TBXAS1: variants seen among roughly 807,000 people sequenced by gnomAD.
The protein encoded by TBXAS1 is thromboxane-A synthase.
A neutral mutation model predicts 60.7 loss-of-function variants in TBXAS1; 48 were observed. That is an observed-to-expected ratio of 0.79 (90% CI 0.63 to 1.01). TBXAS1 has a LOEUF of 1.01. TBXAS1 is among the 50% of genes least tolerant of loss of function. The pLI is 0.00. For missense variants in TBXAS1, 685 were observed against 686.3 expected (o/e 1.00, Z 0.02); for synonymous variants, 287 against 269.7 (o/e 1.06, Z -0.63).
rs1349255521 is a variant in TBXAS1 at position 139,951,936 on chromosome 7, AGAAG to A, written c.451-1428_451-1425del. Among the ~76,000 whole-genome samples, 184 of 35,290 alleles carry A rather than the reference AGAAG, an allele frequency of 5.2e-3. 20 individuals carry two copies. The highest frequency in any genetic ancestry group is 0.015 in the Middle Eastern group (1 of 68). 23.2% of individuals were successfully genotyped at this position (35,290 alleles called of 152,430 possible). A position where few individuals can be genotyped will look rare whatever the true frequency, so the allele number is the denominator to read the frequency against. On this transcript the variant is annotated intron_variant, in intron 5 of 12. Transcript: ENST00000448866. ...AAGAAAGAGAGAAAGAAAGAGAGAA[AGAAG>A]GAAAGAAAGAAAAGAAAGAAAGAAA...
intron 1 of TBXAS1, among the ~76,000 whole-genome samples, chr7:139,868,652 A>ATTT (rs71170918): frequency 2.8e-4 from 29 of 104,968 alleles, no homozygotes; most frequent in Non-Finnish European, 4.1e-4. Flanking sequence ...CCTGGCTAAT[A>ATTT]TTTTTTTTTT....
intron 1 of TBXAS1, among the ~76,000 whole-genome samples, chr7:139,860,895 C>T (rs1023015442): frequency 1.3e-5 from 2 of 152,156 alleles, no homozygotes; most frequent in African/African-American, 2.4e-5. Context: ...CCTTCGCAGC[C>T]GGGGGCGGTG....
At chr7:139,996,393 G>C (rs948767593) in intron 9 of TBXAS1, among the ~76,000 whole-genome samples, 2 of 149,340 alleles carry the variant, frequency 1.3e-5, no homozygotes, top group Admixed American at 6.8e-5. Context: ...TCAATGCTTG[G>C]CTCTGTGCTT....
chr7:140,018,175 C>A (rs571893596), intron 12 of TBXAS1, among the ~76,000 whole-genome samples: 1 of 152,280 alleles, frequency 6.6e-6, no homozygotes, highest in African/African-American at 2.4e-5. Context: ...TTCCCACTTC[C>A]ACAAAGGGCA....
At chr7:140,016,327 A>T (rs1341005746) in intron 11 of TBXAS1, 1 of 210,648 alleles carries the variant, frequency 4.7e-6, no homozygotes, top group East Asian at 1.6e-4. Flanking sequence ...GACTCTGTCT[A>T]AAAAAAAATA....
At chr7:139,791,250 C>T (rs1479743152) in intron 4 of TBXAS1, among the ~76,000 whole-genome samples, 1 of 152,208 alleles carries the variant, frequency 6.6e-6, no homozygotes, top group Non-Finnish European at 1.5e-5. Context: ...GTTTATTTCT[C>T]GTTCTGACAA....
chr7:139,780,521 G>A (rs1167798753), intron 1 of TBXAS1, among the ~76,000 whole-genome samples: 2 of 122,208 alleles, frequency 1.6e-5, no homozygotes, highest in Non-Finnish European at 4.1e-5. Context: ...ATGGATGATA[G>A]CTGCAATTTG....
chr7:139,817,200 G>C (rs1798169880), intron 4 of TBXAS1, among the ~76,000 whole-genome samples: 1 of 151,952 alleles, frequency 6.6e-6, no homozygotes, highest in Non-Finnish European at 1.5e-5. Context: ...CCTTGCTGCT[G>C]TCTCCCCCCG....
At chr7:139,791,717 C>T (rs1253451879) in intron 4 of TBXAS1, among the ~76,000 whole-genome samples, 1 of 152,024 alleles carries the variant, frequency 6.6e-6, no homozygotes, top group Non-Finnish European at 1.5e-5. Flanking sequence ...AACCCAGGCC[C>T]CGCACATCTA....
intron 8 of TBXAS1, 33 bp from the exon 9 acceptor site, chr7:139,961,886 C>A: frequency 1.2e-6 from 2 of 1,613,838 alleles, no homozygotes; most frequent in South Asian, 2.2e-5. Context: ...ACTGTAAGGT[C>A]AAAATGTGCA....
In TBXAS1 at chr7:139,936,213, C is replaced by A. The variant is rs773309398; in HGVS notation, c.356C>A (p.Ser119Ter). ...CAGGCGTCGGGTTTGGAGTTCAAGT[C>A]GGTAGCCGACAGCGTTCTGTTTTTA... ...NRMASGLEFK[S>*]VADSVLFLRD... The change falls in exon 5 of 13, where the codon TCG (serine) becomes TAG (stop). Residue 119 changes from serine (S) to a stop codon, truncating the protein, a stop_gained. Coordinates refer to ENST00000448866, the MANE Select transcript of TBXAS1 (RefSeq NM_001061.7). LOFTEE classifies it high-confidence loss of function. 6.2e-7 allele frequency: 1 copy of A among 1,614,170 alleles called. No homozygotes were observed. Among genetic ancestry groups the A allele is most frequent in the Non-Finnish European group, 8.5e-7 (1 of 1,180,034 alleles).
chr7:139,951,939 AGG>A (rs879633744), intron 5 of TBXAS1, among the ~76,000 whole-genome samples: 11,207 of 47,954 alleles, frequency 0.23, 2,165 homozygotes, highest in Non-Finnish European at 0.26. Flanking sequence ...GAGAGAAAGA[AGG>A]AAAGAAAGAA....
intron 1 of TBXAS1, among the ~76,000 whole-genome samples, chr7:139,779,643 A>G (rs185434460): frequency 6.6e-6 from 1 of 152,214 alleles, no homozygotes; most frequent in East Asian, 1.9e-4. Context: ...GCAATCTTTA[A>G]CTTTAGTCTT....
At position 139,921,723 on chromosome 7, in the gene TBXAS1, A is replaced by G. The variant is rs562176308; in HGVS notation, c.333+10402A>G. ...AACATAGTTTGCATTTTTCATTGCT[A>G]TGTAGCATTCCAATGTATAGAAACA... On this transcript the variant is annotated intron_variant, in intron 4 of 12. Coordinates refer to ENST00000448866, the MANE Select transcript of TBXAS1 (RefSeq NM_001061.7). Among the ~76,000 whole-genome samples, 28 of 152,308 alleles carry G rather than the reference A, an allele frequency of 1.8e-4. 1 individual carries two copies. The South Asian group carries it at 5.8e-3, about 32-fold the overall frequency.
At chr7:139,976,198 A>T (rs1811551744) in intron 9 of TBXAS1, among the ~76,000 whole-genome samples, 1 of 151,734 alleles carries the variant, frequency 6.6e-6, no homozygotes, top group East Asian at 1.9e-4. Context: ...CAGAGGAGTC[A>T]CTCTCCTCCC....
Position 139,999,344 on chromosome 7 carries a change from G to T in TBXAS1, c.1135-7747G>T, listed in dbSNP as rs1321576806. Among the ~76,000 whole-genome samples, 1 of 152,218 alleles carries T rather than the reference G, an allele frequency of 6.6e-6. No homozygotes were observed. The highest frequency in any genetic ancestry group is 1.5e-5 in the Non-Finnish European group (1 of 68,040). ...GTTCAAGACCAGCCTGGCCAACATG[G>T]TAAAACCCCGTCTCTATAAAAATAC... On this transcript the variant is annotated intron_variant, in intron 9 of 12. Transcript: ENST00000448866. This position sits in a 1 kb window ranked among gnomAD's most constrained non-coding sequence, Gnocchi z 4.3.
At chr7:139,862,886 G>A (rs1052411664) in intron 1 of TBXAS1, among the ~76,000 whole-genome samples, 1 of 152,192 alleles carries the variant, frequency 6.6e-6, no homozygotes, top group Admixed American at 6.5e-5. Flanking sequence ...ATGTTCTCAT[G>A]TTGTGCTTTA....
chr7:139,818,820 T>C (rs77943929), intron 4 of TBXAS1, among the ~76,000 whole-genome samples: 15,023 of 152,248 alleles, frequency 0.099, 849 homozygotes, highest in Non-Finnish European at 0.13. Flanking sequence ...AATGGCTTCA[T>C]GGAGCTGGGG....
intron 7 of TBXAS1, 100 bp downstream of exon 7, chr7:139,955,707 G>A (rs191554939): frequency 3.2e-6 from 5 of 1,550,206 alleles, no homozygotes; most frequent in African/African-American, 1.4e-5. Context: ...CCTGCCACTG[G>A]GAAAGGGCAC....
Sources: allele counts gnomAD v4.1 joint callset (sites outside exome capture counted in the v4.1 genomes callset), GRCh38; gene constraint gnomAD v4.1.1; non-coding constraint Gnocchi (gnomAD v3.1); transcripts MANE v1.5; gene names NCBI Gene and HGNC (gene_info 2026-07-23, HGNC 2026-07-21).